The following HTR1F variants were observed in gnomAD, a reference collection of about 807,000 sequenced individuals.
HTR1F encodes 5-hydroxytryptamine receptor 1F.
A neutral mutation model predicts 24.0 loss-of-function variants in HTR1F; 17 were observed. The ratio of observed to expected loss-of-function variants is 0.71; its 90% CI spans 0.48 to 1.06. The LOEUF (loss-of-function observed/expected upper bound fraction) is 1.06. Ranked by LOEUF, HTR1F falls within the 50% of genes least tolerant of loss-of-function variation. The probability of loss-of-function intolerance (pLI) is 0.00; values close to 1 mark genes in which losing one functional copy is unlikely to be tolerated. For synonymous variants in HTR1F, 186 were observed against 156.8 expected, an observed-to-expected ratio of 1.19 and a Z score of -1.39; for missense variants, 391 against 427.8, an observed-to-expected ratio of 0.91 and a Z score of 0.76.
intron 2 of HTR1F, among the ~76,000 whole-genome samples, chr3:87,929,644 G>C (rs557341347): frequency 1.3e-5 from 2 of 152,218 alleles, no homozygotes; most frequent in East Asian, 3.9e-4. Flanking sequence ...TCTCTACTCA[G>C]TTCCATTGGT....
chr3:87,806,191 A>C (rs1372675014), intron 1 of HTR1F, among the ~76,000 whole-genome samples: 6 of 152,104 alleles, frequency 3.9e-5, no homozygotes, highest in Non-Finnish European at 5.9e-5. Flanking sequence ...TGTCTTTGCT[A>C]TTATGAATAA....
At chr3:87,940,270 G>A (rs966540286) in intron 2 of HTR1F, among the ~76,000 whole-genome samples, 1 of 152,140 alleles carries the variant, frequency 6.6e-6, no homozygotes, top group Non-Finnish European at 1.5e-5. Context: ...TTGCTGAGGA[G>A]TGTTTTAAAG....
Position 87,979,023 on chromosome 3 carries a change from G to A in HTR1F, c.-42-11685G>A, listed in dbSNP as rs528563243. ...GAGGGGAAGGAAGGGAGGGAAGGAGGGAGGGAGGGAGGGAGGGGGGGAGGG... is the reference window on the plus strand; with the variant it reads ...GAGGGGAAGGAAGGGAGGGAAGGAGAGAGGGAGGGAGGGAGGGGGGGAGGG... On this transcript the variant is annotated intron_variant, in intron 2 of 2. Coordinates refer to ENST00000319595, the MANE Select transcript of HTR1F (RefSeq NM_001322209.2). Among the ~76,000 whole-genome samples, 6 of 3,284 alleles carry A rather than the reference G, an allele frequency of 1.8e-3. No individual in the cohort carries two copies. In the East Asian group the frequency reaches 0.078, roughly 43 times the overall value. The allele number at this position is 3,284 out of a possible 152,430, so 2.2% of individuals were successfully genotyped here. A position where few individuals can be genotyped will look rare whatever the true frequency, so the allele number is the denominator to read the frequency against.
chr3:87,854,621 T>TA (rs1705159316), intron 2 of HTR1F, among the ~76,000 whole-genome samples: 1 of 152,052 alleles, frequency 6.6e-6, no homozygotes, highest in African/African-American at 2.4e-5. Flanking sequence ...TTGCCAGTGG[T>TA]ACTTCTTAAA....
intron 2 of HTR1F, among the ~76,000 whole-genome samples, chr3:87,985,440 A>G (rs1010703323): frequency 1.3e-5 from 2 of 152,238 alleles, no homozygotes; most frequent in Non-Finnish European, 2.9e-5. Context: ...GGTGGTTAAA[A>G]GAATAGATTT....
intron 2 of HTR1F, among the ~76,000 whole-genome samples, chr3:87,932,960 T>C (rs1704318671): frequency 6.7e-6 from 1 of 149,360 alleles, no homozygotes; most frequent in Non-Finnish European, 1.5e-5. Context: ...CTCAATAAAA[T>C]ACTGGCAAAC....
At chr3:87,925,263 G>T (rs1316435882) in intron 2 of HTR1F, among the ~76,000 whole-genome samples, 1 of 152,108 alleles carries the variant, frequency 6.6e-6, no homozygotes. Context: ...GGCAGATGCT[G>T]GGCAGAACAG....
chr3:87,821,454 AG>A (rs1442502151), intron 1 of HTR1F, among the ~76,000 whole-genome samples: 1 of 152,192 alleles, frequency 6.6e-6, no homozygotes, highest in East Asian at 1.9e-4. Flanking sequence ...CACAAAACAT[AG>A]AAAGTAGCAT....
chr3:87,868,465 A>T (rs1424731110), intron 2 of HTR1F, among the ~76,000 whole-genome samples: 1 of 151,986 alleles, frequency 6.6e-6, no homozygotes, highest in African/African-American at 2.4e-5. Context: ...AATGCAACAC[A>T]AATATTAGTA....
intron 2 of HTR1F, among the ~76,000 whole-genome samples, chr3:87,841,509 A>T (rs1275124916): frequency 6.6e-6 from 1 of 151,910 alleles, no homozygotes; most frequent in African/African-American, 2.4e-5. Context: ...GGGGGTTGGG[A>T]ACTCTAGTCA....
chr3:87,957,962 C>T (rs1704979902), intron 2 of HTR1F, among the ~76,000 whole-genome samples: 1 of 151,154 alleles, frequency 6.6e-6, no homozygotes, highest in Non-Finnish European at 1.5e-5. Flanking sequence ...TTGCGCTCCT[C>T]CTTCTAGTTT....
chr3:87,892,132 G>A (rs1160370749), intron 2 of HTR1F, among the ~76,000 whole-genome samples: 1 of 152,072 alleles, frequency 6.6e-6, no homozygotes, highest in Admixed American at 6.6e-5. Flanking sequence ...TGTGACTTCT[G>A]TTCTTATTAT....
At chr3:87,823,249 T>C (rs1483660647) in intron 2 of HTR1F, among the ~76,000 whole-genome samples, 1 of 152,184 alleles carries the variant, frequency 6.6e-6, no homozygotes, top group Non-Finnish European at 1.5e-5. Flanking sequence ...TATAATTCTA[T>C]ACATTAGATT....
At chr3:87,828,381 C>T (rs1461644914) in intron 2 of HTR1F, among the ~76,000 whole-genome samples, 4 of 152,160 alleles carry the variant, frequency 2.6e-5, no homozygotes, top group Non-Finnish European at 5.9e-5. Flanking sequence ...CTAACAAATA[C>T]AGTTTAAGTG....
chr3:87,936,924 A>G (rs889180101), intron 2 of HTR1F, among the ~76,000 whole-genome samples: 5 of 152,098 alleles, frequency 3.3e-5, no homozygotes, highest in African/African-American at 1.2e-4. Flanking sequence ...AGACTGAACC[A>G]AGAAGAAATT....
chr3:87,833,476 A>G (rs1355866561), intron 2 of HTR1F, among the ~76,000 whole-genome samples: 1 of 151,910 alleles, frequency 6.6e-6, no homozygotes, highest in African/African-American at 2.4e-5. Context: ...TCAACAAGGA[A>G]CTCAGTTGAC....
chr3:87,794,831 T>C (rs1703876822), intron 1 of HTR1F, among the ~76,000 whole-genome samples: 1 of 152,204 alleles, frequency 6.6e-6, no homozygotes, highest in Non-Finnish European at 1.5e-5. Flanking sequence ...AAAATGAATA[T>C]ATTAACTAGT....
intron 2 of HTR1F, among the ~76,000 whole-genome samples, chr3:87,829,606 C>G (rs1020561646): frequency 6.6e-6 from 1 of 152,176 alleles, no homozygotes; most frequent in African/African-American, 2.4e-5. Flanking sequence ...ACTTAAGGAG[C>G]TTTTCATCTA....
intron 1 of HTR1F, among the ~76,000 whole-genome samples, chr3:87,795,264 G>T (rs56125632): frequency 6.6e-6 from 1 of 152,018 alleles, no homozygotes; most frequent in Non-Finnish European, 1.5e-5. Context: ...GATTACAGGC[G>T]TGAGCCACAG....
Sources: gnomAD v4.1 joint callset for allele counts (sites outside exome capture counted in the v4.1 genomes callset) on GRCh38, gnomAD v4.1.1 for gene constraint, MANE v1.5 for transcripts, NCBI Gene and HGNC (gene_info 2026-07-23, HGNC 2026-07-21) for gene names.